Variants in USP48 observed in about 807,000 individuals in gnomAD.
USP48 encodes ubiquitin carboxyl-terminal hydrolase 48.
USP48 carries 43 observed loss-of-function variants against 150.7 expected under a neutral mutation model. That is an observed-to-expected ratio of 0.29 (90% CI 0.22 to 0.37). The LOEUF is 0.37. Ranked by LOEUF, USP48 falls within the 10% of genes least tolerant of loss-of-function variation. The pLI, the probability that USP48 is intolerant of heterozygous loss-of-function variation, is 1.00. For synonymous variants in USP48, 396 were observed against 425.9 expected (o/e 0.93, Z 0.86); for missense variants, 813 against 1,249.6 (o/e 0.65, Z 5.27).
chr1:21,738,050 TTTTATTTATTTA>T (rs990089145), intron 8 of USP48, among the ~76,000 whole-genome samples: 1 of 151,762 alleles, frequency 6.6e-6, no homozygotes, highest in Non-Finnish European at 1.5e-5. Context: ...AGGTGTACAT[TTTTATTTATTTA>T]TTTATTTATT....
intron 1 of USP48, among the ~76,000 whole-genome samples, chr1:21,764,016 T>C (rs2097856088): frequency 6.6e-6 from 1 of 152,108 alleles, no homozygotes; most frequent in Non-Finnish European, 1.5e-5. Context: ...TCCTTAGGAG[T>C]AGGCCCCAGG....
At chr1:21,684,469 GATTAT>G (rs1387597522) in intron 25 of USP48, among the ~76,000 whole-genome samples, 1 of 152,160 alleles carries the variant, frequency 6.6e-6, no homozygotes, top group African/African-American at 2.4e-5. Context: ...TGTTTAATGA[GATTAT>G]ATTTTCTCCC....
chr1:21,764,465 G>T (rs112401853), intron 1 of USP48, among the ~76,000 whole-genome samples: 1 of 150,448 alleles, frequency 6.6e-6, no homozygotes, highest in Non-Finnish European at 1.5e-5. Flanking sequence ...CCTGGGCGCA[G>T]TGGGAGGCCG....
At chr1:21,698,977 A>G (rs2097646228) in intron 22 of USP48, among the ~76,000 whole-genome samples, 1 of 152,194 alleles carries the variant, frequency 6.6e-6, no homozygotes, top group Non-Finnish European at 1.5e-5. Flanking sequence ...ACTGCCAGCC[A>G]AACAGACAAA....
At position 21,723,190 on chromosome 1, in the gene USP48, C is replaced by G. The variant is rs556457729; in HGVS notation, c.1648+708G>C. 2.6e-5 allele frequency among the ~76,000 whole-genome samples: 4 copies of G among 152,256 alleles called. No homozygotes were observed. In the South Asian group the frequency reaches 8.3e-4, roughly 32 times the overall value. On this transcript the variant is annotated intron_variant, in intron 12 of 26. Coordinates refer to ENST00000308271, the MANE Select transcript of USP48 (RefSeq NM_032236.8). ...GAATCAAGTAGCTTCCATTCATAAA[C>G]TAAGTAACCATCTACAGCTCACACA...
At chr1:21,694,587 A>AAG in intron 23 of USP48, among the ~76,000 whole-genome samples, 3 of 127,170 alleles carry the variant, frequency 2.4e-5, no homozygotes, top group Non-Finnish European at 5.2e-5. Context: ...AAAAAAAAAA[A>AAG]AAAAAAAAAA....
chr1:21,729,910 A>C, intron 9 of USP48, 78 bp from the exon 10 acceptor site: 1 of 1,572,578 alleles, frequency 6.4e-7, no homozygotes, highest in South Asian at 1.1e-5. Context: ...TATAGAAAAC[A>C]ATTTCCAAAA....
At chr1:21,770,977 T>C (rs2097878445) in intron 1 of USP48, among the ~76,000 whole-genome samples, 1 of 150,970 alleles carries the variant, frequency 6.6e-6, no homozygotes, top group Middle Eastern at 3.4e-3. Flanking sequence ...TACAAAAAAA[T>C]TAGCCAGGCA....
At chr1:21,699,784 G>C (rs529820216) in intron 22 of USP48, among the ~76,000 whole-genome samples, 1 of 151,138 alleles carries the variant, frequency 6.6e-6, no homozygotes, top group Non-Finnish European at 1.5e-5. Flanking sequence ...CCAAAATGCT[G>C]GAATTACAGG....
intron 8 of USP48, among the ~76,000 whole-genome samples, chr1:21,738,335 G>A (rs1037077346): frequency 6.9e-6 from 1 of 144,504 alleles, no homozygotes; most frequent in African/African-American, 2.5e-5. Context: ...TGGGATTACA[G>A]GCATAAGCCA....
At chr1:21,708,154 C>A (rs748838525) in intron 15 of USP48, among the ~76,000 whole-genome samples, 1 of 151,844 alleles carries the variant, frequency 6.6e-6, no homozygotes, top group Non-Finnish European at 1.5e-5. Flanking sequence ...CAGAGAGAGA[C>A]GCCATCTCAA....
chr1:21,757,488 TA>T (rs2097839748), intron 2 of USP48, 174 bp downstream of exon 2: 1 of 518,260 alleles, frequency 1.9e-6, no homozygotes, highest in African/African-American at 2.0e-5. Flanking sequence ...TTTTAAAGCA[TA>T]TCATTAAGAA....
At chr1:21,715,131 A>G (rs2097700809) in intron 15 of USP48, 1 of 393,334 alleles carries the variant, frequency 2.5e-6, no homozygotes, top group Non-Finnish European at 4.7e-6. Context: ...TACGAGCACT[A>G]TTCTCAAAGT....
At chr1:21,774,900 A>G (rs1035434764) in intron 1 of USP48, among the ~76,000 whole-genome samples, 1 of 151,812 alleles carries the variant, frequency 6.6e-6, no homozygotes, top group Non-Finnish European at 1.5e-5. Context: ...CTGAGGCCCA[A>G]GAATCACTTG....
At chr1:21,748,003 G>T (rs757377825) in intron 7 of USP48, 135 bp downstream of exon 7, 33 of 919,590 alleles carry the variant, frequency 3.6e-5, no homozygotes, top group Admixed American at 3.7e-5. Flanking sequence ...ATTTCAAAAT[G>T]ACAGCCTCCA....
intron 24 of USP48, 62 bp downstream of exon 24, chr1:21,689,912 T>A (rs2097592452): frequency 1.3e-6 from 2 of 1,595,308 alleles, no homozygotes; most frequent in Non-Finnish European, 1.7e-6. Context: ...TTCACACAGT[T>A]TACACATAGT....
In USP48 at chr1:21,783,120, C is replaced by T. The variant is rs1339611313; in HGVS notation, c.-163G>A. ...CTGTGCGCGCCACTGCCGCCGCGCC[C>T]GCCCGCGCCCGACCCGCACGACCGG... On this transcript the variant is annotated 5_prime_UTR_variant, in exon 1 of 27. Coordinates refer to ENST00000308271, the MANE Select transcript of USP48 (RefSeq NM_032236.8). The T allele has an allele frequency of 2.7e-6, 3 of 1,096,058 alleles. No individual in the cohort carries two copies. The highest frequency in any genetic ancestry group is 3.6e-6 in the Non-Finnish European group (3 of 837,132). 67.9% of individuals were successfully genotyped at this position (1,096,058 alleles called of 1,614,324 possible). A position where few individuals can be genotyped will look rare whatever the true frequency, so the allele number is the denominator to read the frequency against.
chr1:21,746,138 T>C (rs971313765), intron 8 of USP48, among the ~76,000 whole-genome samples: 1 of 152,224 alleles, frequency 6.6e-6, no homozygotes, highest in African/African-American at 2.4e-5. Flanking sequence ...CTTGCTTCCA[T>C]TGTAAGCTGC....
chr1:21,733,084 T>C (rs890426620), intron 9 of USP48, among the ~76,000 whole-genome samples: 8 of 152,070 alleles, frequency 5.3e-5, no homozygotes, highest in Non-Finnish European at 8.8e-5. Context: ...ACCAGGAACA[T>C]GCACAGGTAA....
Sources: gnomAD v4.1 joint callset for allele counts (sites outside exome capture counted in the v4.1 genomes callset) on GRCh38, gnomAD v4.1.1 for gene constraint, MANE v1.5 for transcripts, NCBI Gene and HGNC (gene_info 2026-07-23, HGNC 2026-07-21) for gene names.